KCNT2: variants seen among roughly 807,000 people sequenced by gnomAD.
KCNT2 encodes the protein potassium channel subfamily T member 2.
In KCNT2, 67 loss-of-function variants were observed where a neutral mutation model predicts 153.8. That is an observed-to-expected ratio of 0.44 (90% CI 0.36 to 0.53). The LOEUF is 0.53. Ranked by LOEUF, KCNT2 falls within the 20% of genes least tolerant of loss-of-function variation. The pLI, the probability that KCNT2 is intolerant of heterozygous loss-of-function variation, is 0.00. For missense variants in KCNT2, 975 were observed against 1,354.8 expected (o/e 0.72, Z 4.40); for synonymous variants, 500 against 458.8 (o/e 1.09, Z -1.15).
rs191653201 is a variant in KCNT2, at chr1:196,404,563, C to T, written c.1186-5892G>A. ...CCTAGGACCATTTGCCAAGAACATT[C>T]TTTATGGGCTCAGCCCTATTCATGC... On this transcript the variant is annotated intron_variant, in intron 12 of 27. Transcript: ENST00000294725. 4.5e-3 allele frequency among the ~76,000 whole-genome samples: 689 copies of T among 151,664 alleles called. 2 individuals are homozygous for T. The highest frequency in any genetic ancestry group is 0.041 in the Middle Eastern group (12 of 294).
intron 22 of KCNT2, among the ~76,000 whole-genome samples, chr1:196,288,991 T>C (rs1659934926): frequency 6.6e-6 from 1 of 152,136 alleles, no homozygotes; most frequent in African/African-American, 2.4e-5. Flanking sequence ...TTTATAACTG[T>C]GAATTGGGAT....
chr1:196,303,275 C>T (rs555384950), intron 22 of KCNT2, among the ~76,000 whole-genome samples: 1 of 152,250 alleles, frequency 6.6e-6, no homozygotes, highest in African/African-American at 2.4e-5. Context: ...ACTTGTGTCT[C>T]TCTCTTTGGG....
chr1:196,343,544 C>T (rs1665865774), intron 14 of KCNT2, among the ~76,000 whole-genome samples: 1 of 151,970 alleles, frequency 6.6e-6, no homozygotes, highest in African/African-American at 2.4e-5. Flanking sequence ...ACTTTAAAGG[C>T]CATTTTAAAC....
chr1:196,242,278 A>C (rs1655029928), intron 26 of KCNT2, among the ~76,000 whole-genome samples: 1 of 152,096 alleles, frequency 6.6e-6, no homozygotes, highest in Non-Finnish European at 1.5e-5. Flanking sequence ...ATATGTGTTC[A>C]GGTGAAGTAC....
At chr1:196,394,993 T>C (rs1008313832) in intron 13 of KCNT2, among the ~76,000 whole-genome samples, 13 of 151,366 alleles carry the variant, frequency 8.6e-5, no homozygotes, top group African/African-American at 3.1e-4. Context: ...TAGATTTTTT[T>C]TTTTAAGTTT....
intron 26 of KCNT2, among the ~76,000 whole-genome samples, chr1:196,251,721 T>C (rs1655987995): frequency 6.6e-6 from 1 of 151,958 alleles, no homozygotes; most frequent in South Asian, 2.1e-4. Flanking sequence ...TAATAATTTA[T>C]TGTGCATTTA....
intron 8 of KCNT2, among the ~76,000 whole-genome samples, chr1:196,440,340 C>T (rs1343660823): frequency 6.6e-6 from 1 of 151,956 alleles, no homozygotes; most frequent in East Asian, 1.9e-4. Flanking sequence ...CAAGATTCTG[C>T]AGTCAAATAC....
intron 12 of KCNT2, among the ~76,000 whole-genome samples, chr1:196,421,225 C>A (rs984918740): frequency 6.6e-6 from 1 of 152,056 alleles, no homozygotes; most frequent in African/African-American, 2.4e-5. Flanking sequence ...TTACTCATTT[C>A]TTCCAATTTA....
At chr1:196,386,287 C>T (rs966220285) in intron 13 of KCNT2, among the ~76,000 whole-genome samples, 1 of 152,156 alleles carries the variant, frequency 6.6e-6, no homozygotes, top group African/African-American at 2.4e-5. Context: ...ATTATTACTT[C>T]TCCCAAATTC....
At chr1:196,308,053 A>G (rs1421663813) in intron 21 of KCNT2, among the ~76,000 whole-genome samples, 1 of 152,110 alleles carries the variant, frequency 6.6e-6, no homozygotes, top group East Asian at 1.9e-4. Flanking sequence ...TGAATCAATG[A>G]GCACAAAGCC....
intron 14 of KCNT2, among the ~76,000 whole-genome samples, chr1:196,368,194 T>C (rs1241894166): frequency 6.6e-6 from 1 of 152,124 alleles, no homozygotes; most frequent in African/African-American, 2.4e-5. Flanking sequence ...AGAAATAAAA[T>C]TAGTGTAAAT....
intron 1 of KCNT2, among the ~76,000 whole-genome samples, chr1:196,551,436 G>C (rs1372084577): frequency 6.6e-6 from 1 of 151,718 alleles, no homozygotes; most frequent in Non-Finnish European, 1.5e-5. Flanking sequence ...GGTGGAGAAA[G>C]AGAAATACCA....
chr1:196,493,397 GA>G (rs141099799), intron 1 of KCNT2, among the ~76,000 whole-genome samples: 28 of 143,820 alleles, frequency 1.9e-4, no homozygotes, highest in African/African-American at 5.1e-4. Flanking sequence ...AAAACTAGGA[GA>G]AAAAAAAAAC....
intron 13 of KCNT2, among the ~76,000 whole-genome samples, chr1:196,375,864 TAAGA>T (rs886744771): frequency 1.3e-5 from 2 of 151,844 alleles, no homozygotes; most frequent in African/African-American, 4.8e-5. Flanking sequence ...CTCTTTTCAT[TAAGA>T]AAGCTATTTA....
At position 196,429,723 on chromosome 1, in the gene KCNT2, T is replaced by A; in HGVS notation, c.673A>T (p.Lys225Ter). 1 of 1,607,558 alleles carries A rather than the reference T, an allele frequency of 6.2e-7. No individual in the cohort carries two copies. The highest frequency in any genetic ancestry group is 2.2e-5 in the East Asian group (1 of 44,576). ...CGIQHLERIG[K>*]KLNLFDSLYF... ...AGGGAGTCAAAGAGATTCAGCTTCTTTCCTATTCGTTCCAGATGTTGGATC... is the reference window on the plus strand; with the variant it reads ...AGGGAGTCAAAGAGATTCAGCTTCTATCCTATTCGTTCCAGATGTTGGATC... The change falls in exon 9 of 28, where the codon AAG becomes TAG. Residue 225 changes from lysine (K) to a stop codon, truncating the protein, a stop_gained. Transcript: ENST00000294725. LOFTEE classifies it high-confidence loss of function.
chr1:196,463,318 T>C (rs953992506), intron 8 of KCNT2, among the ~76,000 whole-genome samples: 2 of 151,852 alleles, frequency 1.3e-5, no homozygotes, highest in Non-Finnish European at 2.9e-5. Flanking sequence ...GATGTTGAAC[T>C]TGAATGAAAC....
chr1:196,231,885 A>G (rs1354999139), intron 27 of KCNT2, among the ~76,000 whole-genome samples: 1 of 151,874 alleles, frequency 6.6e-6, no homozygotes, highest in Non-Finnish European at 1.5e-5. Flanking sequence ...GCAACACAGC[A>G]TTCTAAGAAA....
At chr1:196,382,271 A>T (rs888125688) in intron 13 of KCNT2, among the ~76,000 whole-genome samples, 6 of 148,588 alleles carry the variant, frequency 4.0e-5, no homozygotes, top group South Asian at 2.1e-4. Context: ...GCTATTTTTT[A>T]TTTTTTTTTG....
intron 13 of KCNT2, among the ~76,000 whole-genome samples, chr1:196,396,244 G>A (rs1387345120): frequency 6.6e-6 from 1 of 151,650 alleles, no homozygotes; most frequent in Non-Finnish European, 1.5e-5. Flanking sequence ...AGCAAAAGCA[G>A]AACCAGTATG....
Sources: allele counts gnomAD v4.1 joint callset (sites outside exome capture counted in the v4.1 genomes callset), GRCh38; gene constraint gnomAD v4.1.1; transcripts MANE v1.5; gene names NCBI Gene and HGNC (gene_info 2026-07-23, HGNC 2026-07-21).